ENAH: variants seen among roughly 807,000 people sequenced by gnomAD.
ENAH encodes protein enabled homolog.
ENAH carries 23 observed loss-of-function variants against 78.7 expected under a neutral mutation model. The observed-to-expected ratio is 0.29, with a 90% CI of 0.21 to 0.41. The LOEUF is 0.41. Ranked by LOEUF, ENAH falls within the 10% of genes least tolerant of loss-of-function variation. The pLI is 1.00. For missense variants in ENAH, 544 were observed against 691.0 expected (o/e 0.79, Z 2.39); for synonymous variants, 226 against 241.0 (o/e 0.94, Z 0.58).
intron 3 of ENAH, among the ~76,000 whole-genome samples, chr1:225,539,531 G>A (rs1275234051): frequency 6.6e-6 from 1 of 152,030 alleles, no homozygotes; most frequent in South Asian, 2.1e-4. Context: ...CATTCCAATC[G>A]TGGTATCTGT....
At chr1:225,598,438 T>C (rs560813098) in intron 1 of ENAH, among the ~76,000 whole-genome samples, 3 of 152,076 alleles carry the variant, frequency 2.0e-5, no homozygotes, top group East Asian at 1.9e-4. Context: ...CTAAAAATTC[T>C]AGATTAACAT....
chr1:225,551,770 A>T (rs907477511), intron 3 of ENAH, among the ~76,000 whole-genome samples: 2 of 152,260 alleles, frequency 1.3e-5, no homozygotes, highest in Non-Finnish European at 2.9e-5. Flanking sequence ...AAAATGTTTT[A>T]ACAAGTGGTA....
chr1:225,579,711 G>A (rs2096805650), intron 1 of ENAH, among the ~76,000 whole-genome samples: 1 of 152,098 alleles, frequency 6.6e-6, no homozygotes, highest in East Asian at 1.9e-4. Flanking sequence ...GCACATTACA[G>A]GACGCACATG....
chr1:225,631,074 CA>C (rs748806537), intron 1 of ENAH, among the ~76,000 whole-genome samples: 2 of 152,120 alleles, frequency 1.3e-5, no homozygotes, highest in Non-Finnish European at 2.9e-5. Flanking sequence ...TAAAACCTTG[CA>C]AACTAGCCCC....
chr1:225,638,398 A>G (rs1660438859), intron 1 of ENAH, among the ~76,000 whole-genome samples: 1 of 152,138 alleles, frequency 6.6e-6, no homozygotes, highest in South Asian at 2.1e-4. Context: ...GGCTCAACTG[A>G]TCCACCCACC....
chr1:225,563,725 T>C (rs1232813574), intron 2 of ENAH, among the ~76,000 whole-genome samples: 1 of 152,228 alleles, frequency 6.6e-6, no homozygotes, highest in Non-Finnish European at 1.5e-5. Context: ...TATTCATAAC[T>C]GAAGACTGGC....
intron 2 of ENAH, among the ~76,000 whole-genome samples, chr1:225,559,819 G>A (rs1030129105): frequency 1.3e-5 from 2 of 152,046 alleles, no homozygotes; most frequent in East Asian, 1.9e-4. Flanking sequence ...CACCAAGCAC[G>A]CAGAAAATCT....
Position 225,497,523 on chromosome 1 carries a change from G to A in ENAH, c.*252C>T. ...TAGTATTTTCTGCATAACTGTTACA[G>A]GAACTCTTAAATGATTCTCTTCCAT... On this transcript the variant is annotated 3_prime_UTR_variant, in exon 14 of 14. Coordinates refer to ENST00000366843, the MANE Select transcript of ENAH (RefSeq NM_018212.6). 3.1e-6 allele frequency: 1 copy of A among 323,804 alleles called. No homozygotes were observed. The highest frequency in any genetic ancestry group is 1.0e-4 in the South Asian group (1 of 9,564). The allele number at this position is 323,804 out of a possible 1,614,324, so 20.1% of individuals were successfully genotyped here.
Position 225,554,912 on chromosome 1 carries a change from C to G in ENAH, c.343G>C (p.Glu115Gln). 6.5e-7 allele frequency: 1 copy of G among 1,532,218 alleles called. No individual in the cohort carries two copies. The highest frequency in any genetic ancestry group is 8.9e-7 in the Non-Finnish European group (1 of 1,121,778). 94.9% of individuals were successfully genotyped at this position (1,532,218 alleles called of 1,614,324 possible). ...TAAACCATGGGCACCTTACCTGTTT[C>G]CTGTGAATTTAACACTTCTAAGGCA... ...MHALEVLNSQ[E>Q]TGPTLPRQNS... The change falls in exon 3 of 14, where the codon GAA becomes CAA. Residue 115 changes from glutamate (E) to glutamine (Q), a missense_variant. By Grantham distance (29) the Glu-to-Gln change is conservative (BLOSUM62 2). This residue lies in a region of ENAH where 77 missense variants were observed against 151.8 expected (regional missense o/e 0.51). Coordinates refer to ENST00000366843, the MANE Select transcript of ENAH (RefSeq NM_018212.6).
intron 3 of ENAH, among the ~76,000 whole-genome samples, chr1:225,541,942 TG>T (rs1313513743): frequency 1.3e-5 from 2 of 152,154 alleles, no homozygotes; most frequent in African/African-American, 2.4e-5. Context: ...AGTGCAATGG[TG>T]AGTTCCAGTG....
rs2096207493 is a variant in ENAH at position 225,488,147 on chromosome 1, C to A, written c.*9628G>T. The A allele has an allele frequency of 6.6e-6, 1 of 152,038 alleles. No homozygotes were observed. The highest frequency in any genetic ancestry group is 1.5e-5 in the Non-Finnish European group (1 of 68,042). The allele number at this position is 152,038 out of a possible 1,614,324, so 9.4% of individuals were successfully genotyped here. A position where few individuals can be genotyped will look rare whatever the true frequency, so the allele number is the denominator to read the frequency against. ...AAGGGGCAGCAGACAGCACAATAGT[C>A]AAGGACAAGGTTTTTATTTATTTAT... On this transcript the variant is annotated 3_prime_UTR_variant, in exon 14 of 14. Coordinates refer to ENST00000366843, the MANE Select transcript of ENAH (RefSeq NM_018212.6).
At chr1:225,613,727 T>C (rs1469738717) in intron 1 of ENAH, among the ~76,000 whole-genome samples, 3 of 152,148 alleles carry the variant, frequency 2.0e-5, no homozygotes, top group Non-Finnish European at 2.9e-5. Context: ...TAGCATATTT[T>C]ATTATTAAAG....
chr1:225,637,878 G>A (rs992289854), intron 1 of ENAH, among the ~76,000 whole-genome samples: 11 of 152,062 alleles, frequency 7.2e-5, no homozygotes, highest in South Asian at 2.1e-4. Flanking sequence ...AGCTATGATC[G>A]CGCCACTGCA....
chr1:225,630,611 C>T (rs1558936223), intron 1 of ENAH, among the ~76,000 whole-genome samples: 1 of 152,110 alleles, frequency 6.6e-6, no homozygotes, highest in Non-Finnish European at 1.5e-5. Flanking sequence ...TATTTTATCA[C>T]AATTTTTAGA....
chr1:225,592,672 A>G (rs1370643553), intron 1 of ENAH, among the ~76,000 whole-genome samples: 2 of 152,236 alleles, frequency 1.3e-5, no homozygotes, highest in Admixed American at 6.5e-5. Flanking sequence ...ATAAATGAAT[A>G]TAACTAAACC....
intron 4 of ENAH, among the ~76,000 whole-genome samples, chr1:225,521,793 T>C (rs1343750764): frequency 6.6e-6 from 1 of 151,926 alleles, no homozygotes; most frequent in African/African-American, 2.4e-5. Context: ...TTTTTTTGTT[T>C]TGTTTTGTTT....
At chr1:225,606,842 CAAAAAAAAAAAAAAAA>C (rs59168194) in intron 1 of ENAH, among the ~76,000 whole-genome samples, 1 of 49,048 alleles carries the variant, frequency 2.0e-5, no homozygotes, top group Non-Finnish European at 3.9e-5. Flanking sequence ...GACTCTGTCT[CAAAAAAAAAAAAAAAA>C]AAAAAAAAAA....
intron 1 of ENAH, among the ~76,000 whole-genome samples, chr1:225,611,943 G>A (rs1234472155): frequency 1.3e-5 from 2 of 152,176 alleles, no homozygotes; most frequent in Non-Finnish European, 1.5e-5. Flanking sequence ...GTATTCGTGA[G>A]GATATGGAGA....
At chr1:225,555,360 A>G (rs2096661126) in intron 2 of ENAH, among the ~76,000 whole-genome samples, 1 of 152,176 alleles carries the variant, frequency 6.6e-6, no homozygotes, top group Non-Finnish European at 1.5e-5. Context: ...AGGCAGGCAG[A>G]TCATGAGGTC....
Sources: allele counts gnomAD v4.1 joint callset (sites outside exome capture counted in the v4.1 genomes callset), GRCh38; gene constraint gnomAD v4.1.1; regional missense constraint gnomAD v4.1.1; transcripts MANE v1.5; gene names NCBI Gene and HGNC (gene_info 2026-07-23, HGNC 2026-07-21).